The following L3MBTL3 variants were observed in gnomAD, a reference collection of about 807,000 sequenced individuals.
L3MBTL3 encodes the protein lethal(3)malignant brain tumor-like protein 3.
A neutral mutation model predicts 102.3 loss-of-function variants in L3MBTL3; 27 were observed. The observed-to-expected ratio is 0.26, with a 90% CI of 0.19 to 0.36. The LOEUF is 0.36. Among genes scored for constraint, L3MBTL3 ranks in the 10% least tolerant of loss-of-function variants. L3MBTL3 has a pLI of 1.00. For synonymous variants in L3MBTL3, 340 were observed against 320.9 expected, an observed-to-expected ratio of 1.06 and a Z score of -0.64; for missense variants, 798 against 955.3, an observed-to-expected ratio of 0.84 and a Z score of 2.17.
intron 5 of L3MBTL3, 92 bp from the exon 6 acceptor site, chr6:130,051,157 G>A (rs772089081): frequency 2.5e-5 from 26 of 1,047,802 alleles, no homozygotes; most frequent in Non-Finnish European, 3.4e-5. Flanking sequence ...TTATTGTGTT[G>A]CTAACAAAAT....
In L3MBTL3 at chr6:130,018,659, T is replaced by C. The variant is rs1181748071; in HGVS notation, c.-100T>C. 6.5e-6 allele frequency: 1 copy of C among 153,002 alleles called. No homozygotes were observed. Among genetic ancestry groups the C allele is most frequent in the African/African-American group, 2.4e-5 (1 of 41,384 alleles). 9.5% of individuals were successfully genotyped at this position (153,002 alleles called of 1,614,324 possible). A position where few individuals can be genotyped will look rare whatever the true frequency, so the allele number is the denominator to read the frequency against. On this transcript the variant is annotated 5_prime_UTR_variant, in exon 1 of 23. Transcript: ENST00000361794. ...GACGGAGAAAAAAAAAAGAGAAAAT[T>C]TGGGGGTAAGAAGCGGTTGATCGGA...
chr6:130,126,719 T>C (rs1786632224), intron 20 of L3MBTL3, among the ~76,000 whole-genome samples: 1 of 152,190 alleles, frequency 6.6e-6, no homozygotes, highest in South Asian at 2.1e-4. Context: ...GACATTATTA[T>C]TTATTAAACT....
Position 130,060,134 on chromosome 6 carries a change from C to A in L3MBTL3, c.858C>A (p.Val286=). The stretch of plus-strand genomic sequence containing the variant: ...AGTCTGTGTACTGTGTCCTCACCGT[C>A]GCGGAGGTAAGCTTTGCCTCGTCCT... ...EHQSVYCVLT[V]AEVCGYRIKL... is the part of the protein sequence containing the mutation. The change falls in exon 10 of 23, where the codon GTC becomes GTA. Residue 286 remains valine (V), a synonymous_variant. Transcript: ENST00000361794. 6.3e-7 allele frequency: 1 copy of A among 1,585,190 alleles called. No homozygotes were observed. Among genetic ancestry groups the A allele is most frequent in the Non-Finnish European group, 8.6e-7 (1 of 1,161,230 alleles).
chr6:130,101,601 C>T (rs1256883842), intron 18 of L3MBTL3, among the ~76,000 whole-genome samples: 4 of 152,188 alleles, frequency 2.6e-5, no homozygotes, highest in Non-Finnish European at 5.9e-5. Flanking sequence ...GAACTGAGGA[C>T]TACACCAGGG....
intron 2 of L3MBTL3, 74 bp downstream of exon 2, chr6:130,022,379 A>G (rs1234800315): frequency 6.6e-6 from 1 of 152,212 alleles, no homozygotes; most frequent in Non-Finnish European, 1.5e-5. Flanking sequence ...GAGATCAGGA[A>G]GGAGAGTATG....
chr6:130,071,463 C>T (rs986556209), intron 13 of L3MBTL3, among the ~76,000 whole-genome samples: 1 of 152,076 alleles, frequency 6.6e-6, no homozygotes, highest in Non-Finnish European at 1.5e-5. Context: ...TAGCTGACTA[C>T]AAAATATATT....
chr6:130,093,768 C>A (rs1784195212), intron 17 of L3MBTL3, among the ~76,000 whole-genome samples: 1 of 152,172 alleles, frequency 6.6e-6, no homozygotes, highest in Non-Finnish European at 1.5e-5. Flanking sequence ...ATGCTTAGAA[C>A]AATTTCCAGG....
At chr6:130,087,410 A>G (rs1013086097) in intron 16 of L3MBTL3, among the ~76,000 whole-genome samples, 8 of 152,290 alleles carry the variant, frequency 5.3e-5, no homozygotes, top group African/African-American at 1.9e-4. Context: ...AATAAAATCT[A>G]GACAAGTAAT....
intron 11 of L3MBTL3, 98 bp from the exon 12 acceptor site, chr6:130,068,227 CATTTG>C: frequency 1.7e-6 from 1 of 598,732 alleles, no homozygotes; most frequent in East Asian, 2.6e-5. Flanking sequence ...TTTAAAAAGT[CATTTG>C]ATTGATTTTG....
intron 3 of L3MBTL3, among the ~76,000 whole-genome samples, chr6:130,048,941 A>AACACACACACACACACACAC (rs6149808): frequency 0.016 from 1,246 of 78,466 alleles, 11 homozygotes; most frequent in African/African-American, 0.032. Context: ...TCTTAGTTAA[A>AACACACACACACACACACAC]ACACACACAC....
chr6:130,078,518 A>T, intron 13 of L3MBTL3, 40 bp from the exon 14 acceptor site: 1 of 1,374,164 alleles, frequency 7.3e-7, no homozygotes, highest in Middle Eastern at 1.8e-4. Context: ...TTGTGAGTTT[A>T]TCCTGATAAT....
intron 3 of L3MBTL3, among the ~76,000 whole-genome samples, chr6:130,045,944 A>G (rs1029689888): frequency 6.6e-6 from 1 of 152,244 alleles, no homozygotes; most frequent in African/African-American, 2.4e-5. Flanking sequence ...CAAGCTTTGG[A>G]AACTTCACCA....
intron 15 of L3MBTL3, among the ~76,000 whole-genome samples, chr6:130,084,073 G>A (rs1025265653): frequency 1.3e-5 from 2 of 152,204 alleles, no homozygotes; most frequent in African/African-American, 4.8e-5. Context: ...ATGGATAATT[G>A]ATTTGGATTT....
At chr6:130,028,640 A>C (rs182025053) in intron 2 of L3MBTL3, among the ~76,000 whole-genome samples, 1 of 152,368 alleles carries the variant, frequency 6.6e-6, no homozygotes, top group Non-Finnish European at 1.5e-5. Flanking sequence ...AGTACTTATC[A>C]GGCAGGATGA....
At position 130,026,509 on chromosome 6, in the gene L3MBTL3, G is replaced by T. The variant is rs183821575; in HGVS notation, c.-16+4204G>T. On this transcript the variant is annotated intron_variant, in intron 2 of 22. Coordinates refer to ENST00000361794, the MANE Select transcript of L3MBTL3 (RefSeq NM_032438.4). Reference sequence around the variant, plus strand: ...TTAAGGTATGTGCTCTTTTACATTGGTTTACTAAGATGAGCAATAATGAAC... The same window carrying T: ...TTAAGGTATGTGCTCTTTTACATTGTTTTACTAAGATGAGCAATAATGAAC... Among the ~76,000 whole-genome samples the T allele has an allele frequency of 3.3e-3, 497 of 151,940 alleles. 1 individual carries two copies. Among genetic ancestry groups the T allele is most frequent in the Non-Finnish European group, 5.2e-3 (355 of 67,952 alleles).
chr6:130,097,124 A>G (rs374095278), intron 18 of L3MBTL3, among the ~76,000 whole-genome samples: 49 of 152,264 alleles, frequency 3.2e-4, no homozygotes, highest in East Asian at 7.7e-4. Flanking sequence ...ATGCTGTCCT[A>G]TTTACAGCAC....
intron 7 of L3MBTL3, among the ~76,000 whole-genome samples, chr6:130,053,810 C>T (rs983845929): frequency 1.3e-5 from 2 of 152,020 alleles, no homozygotes; most frequent in African/African-American, 2.4e-5. Flanking sequence ...GAAGTGTTTC[C>T]GTTGAGATCG....
intron 18 of L3MBTL3, 31 bp from the exon 19 acceptor site, chr6:130,104,395 C>CTTTTTTTTTTT (rs376203297): frequency 7.5e-7 from 1 of 1,334,382 alleles, no homozygotes; most frequent in Non-Finnish European, 1.0e-6. Context: ...GTTCAATGTT[C>CTTTTTTTTTTT]TTTTTTTTTT....
chr6:130,099,463 T>A (rs934784375), intron 18 of L3MBTL3, among the ~76,000 whole-genome samples: 1 of 152,196 alleles, frequency 6.6e-6, no homozygotes, highest in Admixed American at 6.5e-5. Flanking sequence ...GTGAGTTTTT[T>A]AAAGTTCATA....
Sources: gnomAD v4.1 joint callset for allele counts (sites outside exome capture counted in the v4.1 genomes callset) on GRCh38, gnomAD v4.1.1 for gene constraint, MANE v1.5 for transcripts, NCBI Gene and HGNC (gene_info 2026-07-23, HGNC 2026-07-21) for gene names.